MAGI1: variants seen among roughly 807,000 people sequenced by gnomAD.
MAGI1 encodes membrane associated guanylate kinase, WW and PDZ domain containing 1, also known as membrane-associated guanylate kinase, WW and PDZ domain-containing protein 1.
MAGI1 carries 58 observed loss-of-function variants against 139.9 expected under a neutral mutation model. The ratio of observed to expected loss-of-function variants is 0.41; its 90% CI spans 0.34 to 0.52. MAGI1 has a LOEUF of 0.52. MAGI1 is among the 20% of genes least tolerant of loss of function. The pLI is 0.12. For synonymous variants in MAGI1, 812 were observed against 737.9 expected, an observed-to-expected ratio of 1.10 and a Z score of -1.63; for missense variants, 1,874 against 1,901.6, an observed-to-expected ratio of 0.99 and a Z score of 0.27.
chr3:65,700,076 T>C (rs1229765524), intron 1 of MAGI1, among the ~76,000 whole-genome samples: 3 of 152,066 alleles, frequency 2.0e-5, no homozygotes, highest in Non-Finnish European at 4.4e-5. Context: ...TTTAACTACA[T>C]ACAATTTTGA....
intron 1 of MAGI1, among the ~76,000 whole-genome samples, chr3:65,702,204 A>T (rs72898300): frequency 2.0e-5 from 3 of 152,154 alleles, no homozygotes; most frequent in African/African-American, 7.2e-5. Context: ...TTATATACAT[A>T]TATTTTTTAA....
At chr3:65,965,513 C>T (rs1364035901) in intron 1 of MAGI1, among the ~76,000 whole-genome samples, 1 of 152,072 alleles carries the variant, frequency 6.6e-6, no homozygotes, top group Non-Finnish European at 1.5e-5. Flanking sequence ...TTAGGGGGTG[C>T]TGAAGACATA....
chr3:65,622,650 G>A (rs976942085), intron 1 of MAGI1, among the ~76,000 whole-genome samples: 5 of 151,852 alleles, frequency 3.3e-5, no homozygotes, highest in Non-Finnish European at 7.4e-5. Context: ...GGTAACCTCC[G>A]CCTCACAGAT....
At chr3:65,960,325 T>C (rs769224981) in intron 1 of MAGI1, among the ~76,000 whole-genome samples, 1 of 152,152 alleles carries the variant, frequency 6.6e-6, no homozygotes, top group Non-Finnish European at 1.5e-5. Context: ...TAGACAATTC[T>C]GCGTTAGCCT....
At chr3:65,775,861 G>A (rs915144686) in intron 1 of MAGI1, among the ~76,000 whole-genome samples, 7 of 151,080 alleles carry the variant, frequency 4.6e-5, no homozygotes, top group African/African-American at 1.7e-4. Flanking sequence ...AGGATCACCT[G>A]AACCTGGGAA....
At chr3:65,441,865 C>T (rs1051765294) in intron 8 of MAGI1, among the ~76,000 whole-genome samples, 2 of 152,098 alleles carry the variant, frequency 1.3e-5, no homozygotes, top group African/African-American at 2.4e-5. Context: ...TATTTTATGG[C>T]CTGGCACTTT....
intron 2 of MAGI1, among the ~76,000 whole-genome samples, chr3:65,509,528 CAAAG>C (rs1247398447): frequency 6.6e-6 from 1 of 152,176 alleles, no homozygotes; most frequent in Non-Finnish European, 1.5e-5. Context: ...CTTTCCGACT[CAAAG>C]AAAGGGGTGA....
intron 1 of MAGI1, among the ~76,000 whole-genome samples, chr3:65,981,151 CAA>C (rs11429632): frequency 4.6e-5 from 6 of 129,352 alleles, no homozygotes; most frequent in African/African-American, 2.9e-5. Context: ...GACTCCATCT[CAA>C]AAAAAAAAAA....
At chr3:65,693,263 C>T (rs777492565) in intron 1 of MAGI1, among the ~76,000 whole-genome samples, 1 of 152,098 alleles carries the variant, frequency 6.6e-6, no homozygotes, top group Non-Finnish European at 1.5e-5. Context: ...AATGTCTTTT[C>T]TTTATAAATT....
At chr3:65,856,546 G>A (rs1559947796) in intron 1 of MAGI1, among the ~76,000 whole-genome samples, 2 of 152,162 alleles carry the variant, frequency 1.3e-5, no homozygotes, top group Non-Finnish European at 2.9e-5. Context: ...GCCCTGCCTG[G>A]AGAAGGTCAT....
At chr3:65,469,143 C>T (rs1950390278) in intron 5 of MAGI1, among the ~76,000 whole-genome samples, 1 of 152,064 alleles carries the variant, frequency 6.6e-6, no homozygotes, top group Admixed American at 6.5e-5. Context: ...TACATATTAA[C>T]AGAAACAAAT....
At chr3:65,392,416 T>G (rs1288058943) in intron 13 of MAGI1, among the ~76,000 whole-genome samples, 1 of 152,216 alleles carries the variant, frequency 6.6e-6, no homozygotes, top group Non-Finnish European at 1.5e-5. Flanking sequence ...GTCACTATAC[T>G]TAGCTGATTT....
At chr3:65,827,391 G>A (rs17073901) in intron 1 of MAGI1, among the ~76,000 whole-genome samples, 9,294 of 151,306 alleles carry the variant, frequency 0.061, 456 homozygotes, top group South Asian at 0.23. Context: ...ACAGCACAAA[G>A]AATATTACAA....
chr3:65,855,502 G>T (rs575959244), intron 1 of MAGI1, among the ~76,000 whole-genome samples: 1 of 144,888 alleles, frequency 6.9e-6, no homozygotes, highest in Admixed American at 7.1e-5. Context: ...CTCAGAGACT[G>T]AGGCAGGGGG....
chr3:65,913,804 A>G (rs1262094046), intron 1 of MAGI1, among the ~76,000 whole-genome samples: 1 of 152,244 alleles, frequency 6.6e-6, no homozygotes, highest in African/African-American at 2.4e-5. Flanking sequence ...CCTTCGGAAC[A>G]TATCGTATTT....
At chr3:65,991,772 T>C (rs975923209) in intron 1 of MAGI1, among the ~76,000 whole-genome samples, 3 of 152,152 alleles carry the variant, frequency 2.0e-5, no homozygotes, top group African/African-American at 7.2e-5. Context: ...CCCAGCACTT[T>C]GAGAGGCCGA....
chr3:65,507,088 T>A (rs143583257), intron 2 of MAGI1, among the ~76,000 whole-genome samples: 2 of 151,802 alleles, frequency 1.3e-5, no homozygotes, highest in African/African-American at 4.8e-5. Context: ...CTTGAAAAAA[T>A]AAAGAAGAAT....
intron 1 of MAGI1, among the ~76,000 whole-genome samples, chr3:65,841,876 C>A (rs1032454621): frequency 1.3e-5 from 2 of 152,144 alleles, no homozygotes; most frequent in Non-Finnish European, 2.9e-5. Flanking sequence ...AACCATATTA[C>A]AACTGGTTTG....
intron 2 of MAGI1, among the ~76,000 whole-genome samples, chr3:65,551,422 C>A (rs1003577419): frequency 6.6e-6 from 1 of 152,162 alleles, no homozygotes; most frequent in Non-Finnish European, 1.5e-5. Flanking sequence ...CGCCTCAGCT[C>A]CCCGAGTGGC....
Sources: allele counts gnomAD v4.1 joint callset (sites outside exome capture counted in the v4.1 genomes callset), GRCh38; gene constraint gnomAD v4.1.1; transcripts MANE v1.5; gene names NCBI Gene and HGNC (gene_info 2026-07-23, HGNC 2026-07-21).